RANBP2: variants seen among roughly 807,000 people sequenced by gnomAD.
RANBP2 encodes the protein RAN binding protein 2, also known as E3 SUMO-protein ligase RanBP2.
RANBP2 carries 57 observed loss-of-function variants against 303.6 expected under a neutral mutation model. That is an observed-to-expected ratio of 0.19 (90% CI 0.15 to 0.23). RANBP2 has a LOEUF of 0.23. Ranked by LOEUF, RANBP2 falls within the 10% of genes least tolerant of loss-of-function variation. The pLI is 1.00. For missense variants in RANBP2, 3,138 were observed against 3,780.8 expected (o/e 0.83, Z 4.46); for synonymous variants, 1,167 against 1,301.5 (o/e 0.90, Z 2.23).
At chr2:109,205,659 G>A in the RANBP2 span, among the ~76,000 whole-genome samples, 8 of 152,168 alleles carry the variant, frequency 5.3e-5, no homozygotes, top group Non-Finnish European at 1.2e-4. Flanking sequence ...CAGTCTGTTG[G>A]TGTCAGGGTC....
chr2:109,098,091 C>T, the RANBP2 span, among the ~76,000 whole-genome samples: 1 of 152,150 alleles, frequency 6.6e-6, no homozygotes, highest in East Asian at 1.9e-4. Flanking sequence ...TCACCAGGAT[C>T]CCTTCCTCAG....
chr2:108,773,077 A>C (rs1558933617), intron 23 of RANBP2, 31 bp downstream of exon 23: 1 of 1,580,442 alleles, frequency 6.3e-7, no homozygotes, highest in South Asian at 1.1e-5. Flanking sequence ...TTTTCCTTCT[A>C]GTTCCATTGC....
the RANBP2 span, among the ~76,000 whole-genome samples, chr2:109,184,730 G>A: frequency 6.6e-6 from 1 of 152,182 alleles, no homozygotes; most frequent in African/African-American, 2.4e-5. Context: ...CTGTGAATGT[G>A]CAGCCTCCTA....
the RANBP2 span, chr2:109,419,608 G>A: frequency 1.3e-6 from 2 of 1,593,352 alleles, no homozygotes; most frequent in Admixed American, 1.7e-5. Context: ...TGGAGAGCAG[G>A]GCACGCCTCC....
the RANBP2 span, among the ~76,000 whole-genome samples, chr2:109,078,893 G>C: frequency 2.6e-5 from 4 of 151,904 alleles, no homozygotes; most frequent in Non-Finnish European, 4.4e-5. Flanking sequence ...TGGGAGGCTG[G>C]GGCAGGAGAA....
the RANBP2 span, among the ~76,000 whole-genome samples, chr2:109,140,902 T>C: frequency 6.6e-6 from 1 of 152,204 alleles, no homozygotes; most frequent in Non-Finnish European, 1.5e-5. Flanking sequence ...CTATCACTGC[T>C]GTAAACAACT....
chr2:109,487,939 T>G, the RANBP2 span, among the ~76,000 whole-genome samples: 1 of 152,204 alleles, frequency 6.6e-6, no homozygotes, highest in African/African-American at 2.4e-5. Context: ...AAGCTTTGAT[T>G]CTAGAGGGGA....
At position 108,782,260 on chromosome 2, in the gene RANBP2, A is replaced by G; in HGVS notation, c.8893A>G (p.Met2965Val). ...VGDIKILWHT[M>V]KNYYRILMRR... is the part of the protein sequence containing the mutation. Reference sequence around the variant, plus strand: ...AGATATAAAGATTCTTTGGCATACAATGAAGAATTATTACCGGATCCTAAT... The same window carrying G: ...AGATATAAAGATTCTTTGGCATACAGTGAAGAATTATTACCGGATCCTAAT... Residue 2965 changes from methionine to valine, a missense_variant, in exon 27 of 29, where the codon ATG becomes GTG. By Grantham distance (21) the Met-to-Val change is conservative. This residue lies in a region of RANBP2 where 68 missense variants were observed against 117.4 expected (regional missense o/e 0.58). Transcript: ENST00000283195. 6.2e-7 allele frequency: 1 copy of G among 1,614,174 alleles called. No homozygotes were observed. The highest frequency in any genetic ancestry group is 8.5e-7 in the Non-Finnish European group (1 of 1,180,016).
the RANBP2 span, among the ~76,000 whole-genome samples, chr2:109,546,778 G>A: frequency 1.3e-5 from 2 of 151,498 alleles, no homozygotes; most frequent in Non-Finnish European, 2.9e-5. Flanking sequence ...CTGAGATCTA[G>A]GCTTAAAAAA....
intron 8 of RANBP2, 60 bp downstream of exon 8, chr2:108,746,858 A>T: frequency 1.5e-5 from 9 of 611,058 alleles, no homozygotes; most frequent in Admixed American, 2.9e-5. Flanking sequence ...GTTAAGGCAT[A>T]TCTTATGATA....
At chr2:109,618,626 G>T in the RANBP2 span, 3 of 166,838 alleles carry the variant, frequency 1.8e-5, no homozygotes, top group African/African-American at 7.2e-5. Flanking sequence ...TTCCAGTCAA[G>T]ATTATAAAAA....
At chr2:108,910,895 G>C in the RANBP2 span, 1 of 1,613,988 alleles carries the variant, frequency 6.2e-7, no homozygotes, top group African/African-American at 1.3e-5. Flanking sequence ...TCCGACAGGG[G>C]GAGTTGACGG....
At chr2:108,732,105 A>G (rs185396348) in intron 4 of RANBP2, among the ~76,000 whole-genome samples, 1 of 152,296 alleles carries the variant, frequency 6.6e-6, no homozygotes, top group East Asian at 1.9e-4. Context: ...ATTAATGTAT[A>G]CTTTATCGTG....
At chr2:109,150,121 A>G in the RANBP2 span, among the ~76,000 whole-genome samples, 14 of 152,214 alleles carry the variant, frequency 9.2e-5, no homozygotes, top group East Asian at 2.3e-3. Context: ...CAGAAGGCCA[A>G]CAAAAGGTGG....
At chr2:109,122,417 G>A in the RANBP2 span, among the ~76,000 whole-genome samples, 1 of 152,252 alleles carries the variant, frequency 6.6e-6, no homozygotes, top group Non-Finnish European at 1.5e-5. Flanking sequence ...CGAGGGGCAG[G>A]AGTGCTGTCA....
At chr2:109,720,985 C>T in the RANBP2 span, among the ~76,000 whole-genome samples, 288 of 152,322 alleles carry the variant, frequency 1.9e-3, 1 homozygote, top group Middle Eastern at 3.4e-3. Flanking sequence ...AGATGAATGC[C>T]TATCAAGTCA....
the RANBP2 span, chr2:109,567,936 G>A: frequency 5.6e-6 from 9 of 1,613,508 alleles, no homozygotes; most frequent in East Asian, 2.2e-5. Context: ...TTCAGTTTTA[G>A]AAACCGTATC....
At chr2:109,292,846 C>A in the RANBP2 span, among the ~76,000 whole-genome samples, 5 of 152,290 alleles carry the variant, frequency 3.3e-5, no homozygotes, top group African/African-American at 1.2e-4. Flanking sequence ...GATTCTCTTG[C>A]CTCAGCCTCC....
chr2:108,844,028 A>AT, the RANBP2 span, among the ~76,000 whole-genome samples: 18 of 147,802 alleles, frequency 1.2e-4, no homozygotes, highest in South Asian at 4.3e-4. Context: ...TACCTGGTTA[A>AT]TTTTTTTTTG....
Sources: allele counts gnomAD v4.1 joint callset (sites outside exome capture counted in the v4.1 genomes callset), GRCh38; gene constraint gnomAD v4.1.1; regional missense constraint gnomAD v4.1.1; transcripts MANE v1.5; gene names NCBI Gene and HGNC (gene_info 2026-07-23, HGNC 2026-07-21).